The following MCC variants were observed in gnomAD, a reference collection of about 807,000 sequenced individuals.
MCC encodes colorectal mutant cancer protein.
Under a neutral mutation model 116.2 loss-of-function variants are expected in MCC, and 90 were observed. The observed-to-expected ratio is 0.77, with a 90% CI of 0.65 to 0.92. The LOEUF is 0.92. Among genes scored for constraint, MCC ranks in the 40% least tolerant of loss-of-function variants. The pLI, the probability that MCC is intolerant of heterozygous loss-of-function variation, is 0.00. For missense variants in MCC, 1,516 were observed against 1,312.2 expected (o/e 1.16, Z -2.40); for synonymous variants, 578 against 510.5 (o/e 1.13, Z -1.78).
In MCC at chr5:113,085,274, C is replaced by T. The variant is rs374170469; in HGVS notation, c.1435G>A (p.Ala479Thr). ...CGGCCAGGGCTGGAGGGACCTGTGG[C>T]CTGCACGCTCTGTAGTCGAGTTTGA... ...ELQTRLQSVQ[A>T]TGPSSPGRLT... The change falls in exon 9 of 19, where the codon GCC (alanine) becomes ACC (threonine). Residue 479 changes from alanine to threonine, a missense_variant. Coordinates refer to ENST00000408903, the MANE Select transcript of MCC (RefSeq NM_001085377.2). The T allele has an allele frequency of 5.0e-5, 81 of 1,613,918 alleles. No individual in the cohort carries two copies. Among genetic ancestry groups the T allele is most frequent in the Middle Eastern group, 4.9e-4 (3 of 6,084 alleles).
At chr5:113,039,330 T>C (rs1751529045) in intron 17 of MCC, among the ~76,000 whole-genome samples, 1 of 152,206 alleles carries the variant, frequency 6.6e-6, no homozygotes, top group Admixed American at 6.5e-5. Flanking sequence ...ACTCCAGGTG[T>C]ATGCAACAGC....
chr5:113,267,807 T>C (rs985528458), intron 3 of MCC, among the ~76,000 whole-genome samples: 2 of 152,328 alleles, frequency 1.3e-5, no homozygotes, highest in Admixed American at 6.5e-5. Flanking sequence ...CCTGGGAATA[T>C]ACTAAAAACC....
chr5:113,255,036 A>C (rs1331333433), intron 3 of MCC, among the ~76,000 whole-genome samples: 2 of 152,152 alleles, frequency 1.3e-5, no homozygotes, highest in Non-Finnish European at 2.9e-5. Flanking sequence ...GTGGTGGCAG[A>C]TGCCTGTAAT....
intron 16 of MCC, among the ~76,000 whole-genome samples, chr5:113,046,584 C>G (rs1373080911): frequency 6.6e-6 from 1 of 151,146 alleles, no homozygotes; most frequent in Non-Finnish European, 1.5e-5. Context: ...AGTTCATGGG[C>G]CTTCTGGCAA....
chr5:113,240,233 G>C (rs1211651590), intron 3 of MCC, among the ~76,000 whole-genome samples: 1 of 152,086 alleles, frequency 6.6e-6, no homozygotes, highest in Non-Finnish European at 1.5e-5. Context: ...TTGAAAACTT[G>C]ACCCAATTAA....
Position 113,460,558 on chromosome 5 carries a change from G to A in MCC, c.170+27687C>T, listed in dbSNP as rs567716391. ...ATTTCTCCCCATTACAAGCTGTGGG[G>A]AACTGTGTGGGCCTGCAGATTGCTC... On this transcript the variant is annotated intron_variant, in intron 1 of 18. Coordinates refer to ENST00000408903, the MANE Select transcript of MCC (RefSeq NM_001085377.2). 1.1e-3 allele frequency among the ~76,000 whole-genome samples: 162 copies of A among 152,294 alleles called. 1 individual carries two copies. The highest frequency in any genetic ancestry group is 3.8e-3 in the African/African-American group (157 of 41,546).
At chr5:113,107,606 C>T (rs2150258933) in intron 6 of MCC, among the ~76,000 whole-genome samples, 1 of 152,304 alleles carries the variant, frequency 6.6e-6, no homozygotes, top group African/African-American at 2.4e-5. Flanking sequence ...CCACACCAAC[C>T]AGCCTCTGAA....
chr5:113,339,852 A>T (rs1012809460), intron 3 of MCC, among the ~76,000 whole-genome samples: 12 of 152,222 alleles, frequency 7.9e-5, no homozygotes, highest in Non-Finnish European at 1.2e-4. Context: ...TCAAAAAGCC[A>T]GGTAGGCTTT....
In MCC at chr5:113,075,121, G is replaced by A. The variant is rs370806879; in HGVS notation, c.1785-3887C>T. ...GCTCAGCATGGGCTCACCAGGCCCC[G>A]CACTTGGAGCAGCCGGCTGGTGCCA... On this transcript the variant is annotated intron_variant, in intron 11 of 18. Transcript: ENST00000408903. Among the ~76,000 whole-genome samples, 89 of 152,334 alleles carry A rather than the reference G, an allele frequency of 5.8e-4. 2 individuals are homozygous for A. Among genetic ancestry groups the A allele is most frequent in the Middle Eastern group, 3.4e-3 (1 of 294 alleles).
intron 1 of MCC, among the ~76,000 whole-genome samples, chr5:113,393,247 T>C (rs1159479383): frequency 6.6e-6 from 1 of 152,178 alleles, no homozygotes; most frequent in African/African-American, 2.4e-5. Context: ...AATCTGGGTA[T>C]GGTACATATG....
chr5:113,412,294 T>C (rs1770014806), intron 1 of MCC, among the ~76,000 whole-genome samples: 1 of 152,232 alleles, frequency 6.6e-6, no homozygotes, highest in African/African-American at 2.4e-5. Flanking sequence ...AGTAGTTTTT[T>C]CCAGTTCTGT....
intron 1 of MCC, among the ~76,000 whole-genome samples, chr5:113,445,104 C>A (rs765299857): frequency 5.9e-5 from 9 of 152,168 alleles, no homozygotes; most frequent in Non-Finnish European, 1.3e-4. Context: ...GGAGTATGGT[C>A]ATGGTCTCAT....
At chr5:113,109,482 G>A (rs78283307) in intron 6 of MCC, among the ~76,000 whole-genome samples, 2,244 of 152,182 alleles carry the variant, frequency 0.015, 23 homozygotes, top group Middle Eastern at 0.031. Context: ...AAAGTTTACC[G>A]GGGTGGGGGT....
At chr5:113,186,018 T>G (rs924913151) in intron 3 of MCC, among the ~76,000 whole-genome samples, 1 of 152,058 alleles carries the variant, frequency 6.6e-6, no homozygotes, top group Non-Finnish European at 1.5e-5. Context: ...GATTTTTTTT[T>G]AAGTGCAATG....
In MCC at chr5:113,022,707, C is replaced by T. The variant is rs1438752234; in HGVS notation, c.*4595G>A. On this transcript the variant is annotated 3_prime_UTR_variant, in exon 19 of 19. Transcript: ENST00000408903. Reference sequence around the variant, plus strand: ...AAAGGGAATGGTAGAACCAGAATTACTAAGTACGGCATCAGTGTGAATGTG... The same window carrying T: ...AAAGGGAATGGTAGAACCAGAATTATTAAGTACGGCATCAGTGTGAATGTG... 6.6e-6 allele frequency: 1 copy of T among 152,196 alleles called. No homozygotes were observed. The highest frequency in any genetic ancestry group is 2.4e-5 in the African/African-American group (1 of 41,442). 9.4% of individuals were successfully genotyped at this position (152,196 alleles called of 1,614,324 possible).
chr5:113,277,019 G>A (rs970996801), intron 3 of MCC, among the ~76,000 whole-genome samples: 2 of 151,758 alleles, frequency 1.3e-5, no homozygotes, highest in African/African-American at 4.8e-5. Context: ...TAAAACTCAA[G>A]TATGATCCCT....
intron 1 of MCC, among the ~76,000 whole-genome samples, chr5:113,458,332 C>T (rs772727853): frequency 6.6e-6 from 1 of 151,980 alleles, no homozygotes; most frequent in African/African-American, 2.4e-5. Context: ...CCAGACGTGC[C>T]GCCTTAAGAG....
intron 9 of MCC, 57 bp downstream of exon 9, chr5:113,085,107 G>A (rs906736175): frequency 9.3e-6 from 15 of 1,611,124 alleles, no homozygotes; most frequent in Non-Finnish European, 1.2e-5. Flanking sequence ...GATGAGCCTG[G>A]TGCTTCCAGA....
chr5:113,129,296 G>A (rs929841127), intron 5 of MCC, among the ~76,000 whole-genome samples: 22 of 152,148 alleles, frequency 1.4e-4, no homozygotes, highest in African/African-American at 5.3e-4. Context: ...GTGCCGTCAG[G>A]AAGGAAAGAG....
Sources: gnomAD v4.1 joint callset for allele counts (sites outside exome capture counted in the v4.1 genomes callset) on GRCh38, gnomAD v4.1.1 for gene constraint, MANE v1.5 for transcripts, NCBI Gene and HGNC (gene_info 2026-07-23, HGNC 2026-07-21) for gene names.